C17orf114: variants seen among roughly 807,000 people sequenced by gnomAD.
C17orf114 encodes uncharacterized protein C17orf114.
upstream of C17orf114, among the ~76,000 whole-genome samples, chr17:4,802,979 G>A (rs777142200): frequency 2.8e-4 from 43 of 152,124 alleles, no homozygotes; most frequent in Non-Finnish European, 2.8e-4. Context: ...GTGCAGTGGC[G>A]CAATCTCGGC....
At chr17:4,802,366 C>G, upstream of C17orf114, 1 of 398,684 alleles carries the variant, frequency 2.5e-6, no homozygotes, top group Non-Finnish European at 4.4e-6. Context: ...GGAGGGCCCC[C>G]GGGAGAGGGG....
At position 4,802,232 on chromosome 17, in the gene C17orf114, C is replaced by T. The variant is rs1905531325; in HGVS notation, c.73+15G>A. 5.0e-6 allele frequency: 2 copies of T among 399,412 alleles called. No individual in the cohort carries two copies. Among genetic ancestry groups the T allele is most frequent in the South Asian group, 2.5e-4 (2 of 7,870 alleles). 24.7% of individuals were successfully genotyped at this position (399,412 alleles called of 1,614,324 possible). On this transcript the variant is annotated intron_variant, in intron 1 of 1. Coordinates refer to ENST00000635921, the Ensembl canonical transcript of C17orf114. ...CTGCCTGACAGCCCCGCTTTACCCT[C>T]AGTCTACTCCATACCTGCTCCTCTT...
upstream of C17orf114, among the ~76,000 whole-genome samples, chr17:4,803,593 T>A (rs1283543507): frequency 1.3e-5 from 2 of 150,598 alleles, no homozygotes; most frequent in East Asian, 2.0e-4. Context: ...CCCGGCTAAT[T>A]TTTTTTGTAT....
At chr17:4,806,696 A>C (rs1312470871), upstream of C17orf114, 1 of 152,066 alleles carries the variant, frequency 6.6e-6, no homozygotes, top group Admixed American at 6.5e-5. Flanking sequence ...TACAAACGCT[A>C]TCTGGGCTAG....
upstream of C17orf114, among the ~76,000 whole-genome samples, chr17:4,802,696 G>A (rs907751676): frequency 2.6e-5 from 4 of 152,132 alleles, no homozygotes; most frequent in Admixed American, 1.3e-4. Flanking sequence ...GGATTCCTTT[G>A]TATTTTAGAA....
chr17:4,801,563 G>C, intron 1 of C17orf114, 108 bp from the exon 2 acceptor site: 1 of 397,650 alleles, frequency 2.5e-6, no homozygotes, highest in Non-Finnish European at 4.4e-6. Context: ...CTGGGGCCTG[G>C]GGGCTGGTGA....
At chr17:4,804,733 G>A (rs139914628), upstream of C17orf114, among the ~76,000 whole-genome samples, 1,106 of 150,754 alleles carry the variant, frequency 7.3e-3, 6 homozygotes, top group African/African-American at 0.023. Context: ...CGAGTAGTAC[G>A]CATCACCACA....
chr17:4,802,195 T>C (rs143838805), intron 1 of C17orf114, 52 bp downstream of exon 1: 110 of 399,146 alleles, frequency 2.8e-4, no homozygotes, highest in African/African-American at 2.1e-3. Flanking sequence ...TGCCATGCAG[T>C]TGTCTCTCTG....
exon 1 of C17orf114, chr17:4,802,255 C>T: frequency 5.0e-6 from 2 of 399,826 alleles, no homozygotes; most frequent in East Asian, 3.6e-5. Flanking sequence ...ACCTGCTCCT[C>T]TTTCAGTCCC....
At position 4,802,229 on chromosome 17, in the gene C17orf114, C is replaced by A. The variant is rs1905531123; in HGVS notation, c.73+18G>T. ...TGTCTGCCTGACAGCCCCGCTTTAC[C>A]CTCAGTCTACTCCATACCTGCTCCT... On this transcript the variant is annotated intron_variant, in intron 1 of 1. Coordinates refer to ENST00000635921, the Ensembl canonical transcript of C17orf114. 2 of 399,396 alleles carry A rather than the reference C, an allele frequency of 5.0e-6. No homozygotes were observed. The highest frequency in any genetic ancestry group is 1.3e-4 in the South Asian group (1 of 7,858). 24.7% of individuals were successfully genotyped at this position (399,396 alleles called of 1,614,324 possible).
chr17:4,804,723 C>T (rs778336360), upstream of C17orf114, among the ~76,000 whole-genome samples: 21 of 151,478 alleles, frequency 1.4e-4, no homozygotes, highest in Non-Finnish European at 2.8e-4. Flanking sequence ...CTCAGCCTCC[C>T]GAGTAGTACG....
upstream of C17orf114, among the ~76,000 whole-genome samples, chr17:4,805,164 C>T (rs985426836): frequency 6.6e-6 from 1 of 152,166 alleles, no homozygotes; most frequent in Admixed American, 6.6e-5. Flanking sequence ...GGTGCGGTGG[C>T]TCACGCCTGT....
chr17:4,802,350 T>C (rs1905534382), upstream of C17orf114: 2 of 398,798 alleles, frequency 5.0e-6, no homozygotes, highest in African/African-American at 2.1e-5. Flanking sequence ...GAGCTGGGAA[T>C]GGCCAGGAGG....
upstream of C17orf114, among the ~76,000 whole-genome samples, chr17:4,805,422 C>T (rs1443135113): frequency 7.4e-6 from 1 of 135,870 alleles, no homozygotes; most frequent in South Asian, 2.4e-4. Flanking sequence ...AACTCTGTCT[C>T]AAAAAAAAAA....
chr17:4,806,412 A>T (rs929753177), upstream of C17orf114, among the ~76,000 whole-genome samples: 2 of 152,234 alleles, frequency 1.3e-5, no homozygotes, highest in Non-Finnish European at 2.9e-5. Flanking sequence ...AGAAACCCAC[A>T]TGTATATCAA....
chr17:4,805,948 A>G (rs1251920708), upstream of C17orf114, among the ~76,000 whole-genome samples: 7 of 152,186 alleles, frequency 4.6e-5, no homozygotes, highest in Non-Finnish European at 1.0e-4. Context: ...GCAAGACTCC[A>G]TCTCAAAAAA....
chr17:4,803,470 G>A (rs1470685902), upstream of C17orf114, among the ~76,000 whole-genome samples: 4 of 131,918 alleles, frequency 3.0e-5, no homozygotes, highest in Admixed American at 9.0e-5. Flanking sequence ...TGTCACTCAG[G>A]CTGGAATGCA....
chr17:4,805,803 A>T (rs1034366177), upstream of C17orf114, among the ~76,000 whole-genome samples: 1 of 151,962 alleles, frequency 6.6e-6, no homozygotes, highest in Non-Finnish European at 1.5e-5. Context: ...TACAAAAAAA[A>T]TTAGCTGGGC....
intron 1 of C17orf114, 119 bp downstream of exon 1, chr17:4,802,128 C>A (rs978245510): frequency 2.8e-5 from 11 of 396,626 alleles, no homozygotes; most frequent in Non-Finnish European, 4.9e-5. Context: ...TGATCCATCT[C>A]CCACCCAGGG....
Sources: allele counts gnomAD v4.1 joint callset (sites outside exome capture counted in the v4.1 genomes callset), GRCh38; gene constraint gnomAD v4.1.1; transcripts MANE v1.5; gene names NCBI Gene and HGNC (gene_info 2026-07-23, HGNC 2026-07-21).